UPF2: variants seen among roughly 807,000 people sequenced by gnomAD.
UPF2 encodes the protein regulator of nonsense transcripts 2.
UPF2 carries 17 observed loss-of-function variants against 141.4 expected under a neutral mutation model. The ratio of observed to expected loss-of-function variants is 0.12; its 90% CI spans 0.08 to 0.18. The LOEUF is 0.18. Among genes scored for constraint, UPF2 ranks in the 10% least tolerant of loss-of-function variants. UPF2 has a pLI of 1.00. For missense variants in UPF2, 1,152 were observed against 1,515.9 expected, an observed-to-expected ratio of 0.76 and a Z score of 3.99; for synonymous variants, 540 against 498.0, an observed-to-expected ratio of 1.08 and a Z score of -1.12.
chr10:11,938,517 C>A (rs1832881996), intron 18 of UPF2, among the ~76,000 whole-genome samples: 1 of 152,100 alleles, frequency 6.6e-6, no homozygotes, highest in African/African-American at 2.4e-5. Context: ...CAAAACCACA[C>A]TGGATATTAT....
At chr10:11,949,349 C>T (rs1833045113) in intron 15 of UPF2, among the ~76,000 whole-genome samples, 1 of 152,126 alleles carries the variant, frequency 6.6e-6, no homozygotes, top group Non-Finnish European at 1.5e-5. Flanking sequence ...TAGAGAATAC[C>T]CTTCAATATG....
intron 14 of UPF2, among the ~76,000 whole-genome samples, chr10:11,954,323 T>C (rs1235618370): frequency 6.6e-6 from 1 of 151,860 alleles, no homozygotes; most frequent in Non-Finnish European, 1.5e-5. Flanking sequence ...TCAAAAATGA[T>C]AGGTTTTCTT....
intron 3 of UPF2, among the ~76,000 whole-genome samples, chr10:12,021,359 G>C (rs1010615824): frequency 2.7e-5 from 3 of 109,502 alleles, no homozygotes; most frequent in Non-Finnish European, 3.9e-5. Context: ...ATGAAACCAA[G>C]TCTCTACAAA....
rs750225966 is a variant in UPF2 at position 12,014,289 on chromosome 10, G to C, written c.1146-105C>G. ...AATTTGATTTTCTCATACAAATTTA[G>C]TAAAATCTTCATTTTTATTTAACAT... is the stretch of plus-strand genomic sequence containing the variant. On this transcript the variant is annotated intron_variant, in intron 3 of 21. Coordinates refer to ENST00000357604, the MANE Select transcript of UPF2 (RefSeq NM_015542.4). The surrounding 1 kb of genome is among the most constrained non-coding windows in gnomAD (Gnocchi z 5.0). The C allele has an allele frequency of 1.3e-4, 146 of 1,106,304 alleles. No individual in the cohort carries two copies. Among genetic ancestry groups the C allele is most frequent in the Middle Eastern group, 1.1e-3 (5 of 4,364 alleles). The allele number at this position is 1,106,304 out of a possible 1,614,324, so 68.5% of individuals were successfully genotyped here.
intron 9 of UPF2, among the ~76,000 whole-genome samples, chr10:11,974,581 G>C (rs1833475287): frequency 6.6e-6 from 1 of 152,152 alleles, no homozygotes; most frequent in Admixed American, 6.5e-5. Flanking sequence ...AGAGTTTTGA[G>C]CATGAAGGGC....
rs1019337819 is a variant in UPF2 at position 11,940,030 on chromosome 10, T to C, written c.3378+2635A>G. On this transcript the variant is annotated intron_variant, in intron 18 of 21. Transcript: ENST00000357604. The surrounding 1 kb of genome is among the most constrained non-coding windows in gnomAD (Gnocchi z 4.2). ...TTTAAGGGCTTGATTTATGGAAAAA[T>C]AATATCTCTAGGATACTGCATCCTC... Among the ~76,000 whole-genome samples, 2 of 152,126 alleles carry C rather than the reference T, an allele frequency of 1.3e-5. No homozygotes were observed. Among genetic ancestry groups the C allele is most frequent in the African/African-American group, 4.8e-5 (2 of 41,418 alleles).
intron 18 of UPF2, among the ~76,000 whole-genome samples, chr10:11,937,883 T>C (rs1040928464): frequency 6.6e-6 from 1 of 152,248 alleles, no homozygotes; most frequent in East Asian, 1.9e-4. Flanking sequence ...ATAAAGACTT[T>C]TTACTTAAAA....
intron 15 of UPF2, among the ~76,000 whole-genome samples, chr10:11,951,124 G>A (rs913854323): frequency 5.3e-5 from 8 of 152,026 alleles, no homozygotes; most frequent in Admixed American, 2.0e-4. Flanking sequence ...GTGCAATGGC[G>A]TGATCTTGGC....
intron 8 of UPF2, among the ~76,000 whole-genome samples, chr10:11,990,726 C>T (rs1194384492): frequency 2.0e-5 from 3 of 148,548 alleles, no homozygotes; most frequent in African/African-American, 2.5e-5. Context: ...CAGTGGCTCA[C>T]GCCTGTAATC....
At chr10:11,926,934 G>GCACGTCGATGACAGCACACACATGCT (rs1425699443) in intron 21 of UPF2, among the ~76,000 whole-genome samples, 1 of 152,210 alleles carries the variant, frequency 6.6e-6, no homozygotes, top group South Asian at 2.1e-4. Context: ...CTGTTCACAC[G>GCACGTCGATGACAGCACACACATGCT]CACGTCGATG....
chr10:11,978,202 C>T (rs548952086), intron 9 of UPF2, among the ~76,000 whole-genome samples: 1 of 152,346 alleles, frequency 6.6e-6, no homozygotes, highest in African/African-American at 2.4e-5. Flanking sequence ...GGCAACACTA[C>T]TGACTGGTGC....
Position 12,014,012 on chromosome 10 carries a change from G to A in UPF2, c.1306+12C>T. ...AGAAAACACAATGTTTGTTTTTAAG[G>A]ATATCTCTTACCTTCTGGTGTTGGT... On this transcript the variant is annotated intron_variant, in intron 4 of 21. Coordinates refer to ENST00000357604, the MANE Select transcript of UPF2 (RefSeq NM_015542.4). This position sits in a 1 kb window ranked among gnomAD's most constrained non-coding sequence, Gnocchi z 5.0. The A allele has an allele frequency of 6.6e-7, 1 of 1,516,704 alleles. No homozygotes were observed. The highest frequency in any genetic ancestry group is 8.9e-7 in the Non-Finnish European group (1 of 1,124,532). The allele number at this position is 1,516,704 out of a possible 1,614,324, so 94.0% of individuals were successfully genotyped here.
intron 21 of UPF2, among the ~76,000 whole-genome samples, chr10:11,925,777 C>A (rs1397718419): frequency 1.3e-5 from 2 of 152,172 alleles, no homozygotes; most frequent in Non-Finnish European, 2.9e-5. Flanking sequence ...GAACACAGAA[C>A]TAAAGGTCAG....
At chr10:12,005,625 A>G (rs1186793351) in intron 4 of UPF2, among the ~76,000 whole-genome samples, 1 of 152,132 alleles carries the variant, frequency 6.6e-6, no homozygotes, top group Non-Finnish European at 1.5e-5. Flanking sequence ...CTGGAGTACA[A>G]TGGCGCAACA....
At chr10:11,946,609 C>A (rs1802717968) in intron 16 of UPF2, among the ~76,000 whole-genome samples, 1 of 152,152 alleles carries the variant, frequency 6.6e-6, no homozygotes, top group Admixed American at 6.5e-5. Flanking sequence ...ATTTTAATTT[C>A]ATCAGTATTC....
chr10:12,028,558 C>G (rs1012228010), intron 3 of UPF2, among the ~76,000 whole-genome samples, 187 bp downstream of exon 3: 3 of 152,090 alleles, frequency 2.0e-5, no homozygotes, highest in Non-Finnish European at 4.4e-5. Context: ...GAAACAAAAT[C>G]TATCGTAGAC....
chr10:11,948,037 C>T (rs1172086029), intron 16 of UPF2, among the ~76,000 whole-genome samples: 1 of 151,738 alleles, frequency 6.6e-6, no homozygotes, highest in Non-Finnish European at 1.5e-5. Context: ...CACCTGAAGT[C>T]AGGGGTTCAA....
chr10:11,955,865 G>C (rs917277092), intron 13 of UPF2, among the ~76,000 whole-genome samples: 1 of 152,082 alleles, frequency 6.6e-6, no homozygotes, highest in African/African-American at 2.4e-5. Context: ...CTGTTAGGCC[G>C]GGCGCAGTAG....
Position 12,019,489 on chromosome 10 carries a change from C to T in UPF2, c.1146-5305G>A, listed in dbSNP as rs1305475249. On this transcript the variant is annotated intron_variant, in intron 3 of 21. Transcript: ENST00000357604. The surrounding 1 kb of genome is among the most constrained non-coding windows in gnomAD (Gnocchi z 4.5). ...CCATAGTTCGCCAATGCCTGTCACA[C>T]TACTACATGTCTTATAAATTAGTAC... 6.6e-6 allele frequency among the ~76,000 whole-genome samples: 1 copy of T among 152,234 alleles called. No individual in the cohort carries two copies. Among genetic ancestry groups the T allele is most frequent in the Admixed American group, 6.5e-5 (1 of 15,274 alleles).
Sources: gnomAD v4.1 joint callset for allele counts (sites outside exome capture counted in the v4.1 genomes callset) on GRCh38, gnomAD v4.1.1 for gene constraint, Gnocchi (gnomAD v3.1) non-coding constraint, MANE v1.5 for transcripts, NCBI Gene and HGNC (gene_info 2026-07-23, HGNC 2026-07-21) for gene names.